CDH8: variants seen among roughly 807,000 people sequenced by gnomAD.
CDH8 encodes the protein cadherin 8.
Under a neutral mutation model 68.1 loss-of-function variants are expected in CDH8, and 17 were observed. The ratio of observed to expected loss-of-function variants is 0.25; its 90% confidence interval spans 0.17 to 0.37. The LOEUF (loss-of-function observed/expected upper bound fraction) is 0.37. Ranked by LOEUF, CDH8 falls within the 10% of genes least tolerant of loss-of-function variation. CDH8 has a pLI of 1.00. For synonymous variants in CDH8, 372 were observed against 365.1 expected (o/e 1.02, Z -0.21); for missense variants, 763 against 999.3 (o/e 0.76, Z 3.19).
In CDH8 at chr16:61,750,117, G is replaced by A. The variant is rs183306162; in HGVS notation, c.1415-22902C>T. On this transcript the variant is annotated intron_variant, in intron 8 of 11. Transcript: ENST00000577390. ...CTACTTCTGCCATCTTTATGTCCAT[G>A]TGTAATCAATGTTTACCTGCCACTT... Among the ~76,000 whole-genome samples the A allele has an allele frequency of 3.8e-3, 573 of 152,104 alleles. 6 individuals carry two copies. The highest frequency in any genetic ancestry group is 0.013 in the African/African-American group (546 of 41,516).
Position 61,676,583 on chromosome 16 carries a change from G to T in CDH8, c.1655-20862C>A, listed in dbSNP as rs918815669. ...GATTCATTCATGATCAAATTTTTCA[G>T]CAAACTATGAATAGAAGGGGATTTC... On this transcript the variant is annotated intron_variant, in intron 10 of 11. Transcript: ENST00000577390. Among the ~76,000 whole-genome samples the T allele has an allele frequency of 2.0e-5, 3 of 152,056 alleles. No individual in the cohort carries two copies. In the East Asian group the frequency reaches 5.8e-4, roughly 30 times the overall value.
At chr16:61,784,841 G>T (rs1019842744) in intron 8 of CDH8, among the ~76,000 whole-genome samples, 19 of 151,876 alleles carry the variant, frequency 1.3e-4, no homozygotes, top group African/African-American at 4.4e-4. Context: ...ATGACTACTG[G>T]GTACATAATG....
intron 2 of CDH8, among the ~76,000 whole-genome samples, chr16:62,015,407 TTG>T (rs933540509): frequency 2.0e-5 from 3 of 151,718 alleles, no homozygotes; most frequent in African/African-American, 4.8e-5. Flanking sequence ...GTGTGTGTGT[TTG>T]TGTGTGTGTG....
intron 2 of CDH8, among the ~76,000 whole-genome samples, chr16:61,949,123 G>A (rs111287525): frequency 1.7e-3 from 263 of 152,280 alleles, no homozygotes; most frequent in African/African-American, 5.6e-3. Flanking sequence ...GAGAATCTCT[G>A]TTTCACATTG....
intron 2 of CDH8, among the ~76,000 whole-genome samples, chr16:61,988,882 C>T (rs1181233893): frequency 6.6e-6 from 1 of 152,192 alleles, no homozygotes; most frequent in African/African-American, 2.4e-5. Flanking sequence ...ATAAAGAAAG[C>T]TGTTGAGGCC....
chr16:61,736,634 G>A (rs1959694647), intron 8 of CDH8, among the ~76,000 whole-genome samples: 1 of 152,052 alleles, frequency 6.6e-6, no homozygotes, highest in African/African-American at 2.4e-5. Context: ...GATATTATAT[G>A]AACAGACATG....
At chr16:61,959,006 T>A (rs1321209158) in intron 2 of CDH8, among the ~76,000 whole-genome samples, 1 of 152,196 alleles carries the variant, frequency 6.6e-6, no homozygotes, top group Non-Finnish European at 1.5e-5. Context: ...TCACACATGT[T>A]GCTTGTCCTC....
At chr16:61,768,292 C>G (rs750375442) in intron 8 of CDH8, among the ~76,000 whole-genome samples, 5 of 147,046 alleles carry the variant, frequency 3.4e-5, no homozygotes, top group Non-Finnish European at 7.5e-5. Context: ...GCACTTCAGG[C>G]TCTCTCTCTG....
intron 10 of CDH8, among the ~76,000 whole-genome samples, chr16:61,666,791 T>A (rs1477472386): frequency 6.6e-6 from 1 of 152,032 alleles, no homozygotes; most frequent in African/African-American, 2.4e-5. Context: ...ATTAAGTTCT[T>A]ATCACCGTGT....
chr16:61,859,745 G>A (rs2143016955), intron 3 of CDH8, among the ~76,000 whole-genome samples: 1 of 152,280 alleles, frequency 6.6e-6, no homozygotes, highest in Non-Finnish European at 1.5e-5. Flanking sequence ...GCTATGGTTT[G>A]GATGTGTCTC....
At chr16:61,855,497 T>G (rs1963025544) in intron 4 of CDH8, among the ~76,000 whole-genome samples, 1 of 152,162 alleles carries the variant, frequency 6.6e-6, no homozygotes, top group Non-Finnish European at 1.5e-5. Context: ...TTAGCCTTTG[T>G]GATTTTTTTC....
intron 10 of CDH8, among the ~76,000 whole-genome samples, chr16:61,679,965 T>G (rs1303533545): frequency 6.6e-6 from 1 of 152,032 alleles, no homozygotes; most frequent in Non-Finnish European, 1.5e-5. Flanking sequence ...TCATTCAATT[T>G]TTGAATTTTG....
intron 8 of CDH8, among the ~76,000 whole-genome samples, chr16:61,751,269 A>T (rs1346394967): frequency 6.6e-6 from 1 of 151,232 alleles, no homozygotes; most frequent in Non-Finnish European, 1.5e-5. Context: ...TTTTAGCTTG[A>T]TATAGACATA....
intron 2 of CDH8, among the ~76,000 whole-genome samples, chr16:61,902,491 G>A (rs1387812635): frequency 6.7e-6 from 1 of 148,954 alleles, no homozygotes; most frequent in Non-Finnish European, 1.5e-5. Context: ...CCATTGCGAT[G>A]TACTACTTCA....
intron 3 of CDH8, among the ~76,000 whole-genome samples, chr16:61,876,077 A>G (rs538726754): frequency 3.9e-4 from 60 of 152,138 alleles, no homozygotes; most frequent in African/African-American, 1.4e-3. Flanking sequence ...GGGTTTCACC[A>G]TGTTGGCCAG....
At chr16:62,005,751 A>C (rs1356828482) in intron 2 of CDH8, among the ~76,000 whole-genome samples, 2 of 150,222 alleles carry the variant, frequency 1.3e-5, no homozygotes, top group Non-Finnish European at 3.0e-5. Context: ...AAAAAAAAAA[A>C]AAAAAACATT....
At chr16:62,025,529 C>T (rs1047395553) in intron 1 of CDH8, among the ~76,000 whole-genome samples, 1 of 152,002 alleles carries the variant, frequency 6.6e-6, no homozygotes, top group Non-Finnish European at 1.5e-5. Flanking sequence ...TGGTATAGCC[C>T]CGGGGAGAAA....
At chr16:61,993,533 T>G (rs185096262) in intron 2 of CDH8, among the ~76,000 whole-genome samples, 7 of 152,282 alleles carry the variant, frequency 4.6e-5, no homozygotes, top group Admixed American at 4.6e-4. Context: ...ATTTGTTAAT[T>G]GCAATAGTAG....
At chr16:61,819,101 C>A (rs1483873424) in intron 6 of CDH8, among the ~76,000 whole-genome samples, 1 of 152,010 alleles carries the variant, frequency 6.6e-6, no homozygotes, top group Non-Finnish European at 1.5e-5. Context: ...ATTTCAAATT[C>A]TTCACAAACA....
Sources: allele counts gnomAD v4.1 joint callset (sites outside exome capture counted in the v4.1 genomes callset), GRCh38; gene constraint gnomAD v4.1.1; transcripts MANE v1.5; gene names NCBI Gene and HGNC (gene_info 2026-07-23, HGNC 2026-07-21).